TTC28: variants seen among roughly 807,000 people sequenced by gnomAD.
TTC28 encodes the protein tetratricopeptide repeat protein 28.
Under a neutral mutation model 198.0 loss-of-function variants are expected in TTC28, and 61 were observed. That is an observed-to-expected ratio of 0.31 (90% confidence interval 0.25 to 0.38). TTC28 has a LOEUF of 0.38. TTC28 is among the 10% of genes least tolerant of loss of function. The pLI is 1.00. For missense variants in TTC28, 2,678 were observed against 3,164.0 expected (o/e 0.85, Z 3.69); for synonymous variants, 1,171 against 1,297.8 (o/e 0.90, Z 2.10).
rs578034255 is a variant in TTC28 at position 28,062,029 on chromosome 22, C to T, written c.3933-31663G>A. Among the ~76,000 whole-genome samples, 295 of 151,844 alleles carry T rather than the reference C, an allele frequency of 1.9e-3. 1 individual carries two copies. Among genetic ancestry groups the T allele is most frequent in the Non-Finnish European group, 3.4e-3 (232 of 67,854 alleles). The stretch of plus-strand genomic sequence containing the variant: ...ATTTGGCTCTCTGTTTGTCTGTTAT[C>T]GGTGTATAACTCAACTTTAAGTCTA... On this transcript the variant is annotated intron_variant, in intron 12 of 22. Coordinates refer to ENST00000397906, the MANE Select transcript of TTC28 (RefSeq NM_001145418.2).
intron 5 of TTC28, among the ~76,000 whole-genome samples, chr22:28,279,732 A>G (rs967462441): frequency 6.6e-6 from 1 of 152,138 alleles, no homozygotes; most frequent in African/African-American, 2.4e-5. Flanking sequence ...AAGAGATGAA[A>G]CATTCCCATC....
chr22:28,590,919 G>A (rs1401531378), intron 2 of TTC28, among the ~76,000 whole-genome samples: 5 of 150,056 alleles, frequency 3.3e-5, no homozygotes, highest in Non-Finnish European at 7.4e-5. Context: ...TGAGGCAGGA[G>A]AATCGCAACC....
intron 1 of TTC28, among the ~76,000 whole-genome samples, chr22:28,660,942 T>C (rs929297656): frequency 2.0e-5 from 3 of 152,124 alleles, no homozygotes; most frequent in Non-Finnish European, 4.4e-5. Context: ...TTCCCTTTAT[T>C]TCAAAGTTGC....
chr22:28,595,378 A>G (rs1158020381), intron 2 of TTC28, among the ~76,000 whole-genome samples: 1 of 152,252 alleles, frequency 6.6e-6, no homozygotes, highest in Non-Finnish European at 1.5e-5. Context: ...TGAAGCACTA[A>G]TACATTAACT....
At chr22:28,281,328 C>T (rs2044578734) in intron 5 of TTC28, among the ~76,000 whole-genome samples, 1 of 151,836 alleles carries the variant, frequency 6.6e-6, no homozygotes, top group African/African-American at 2.4e-5. Flanking sequence ...GGATACTTTC[C>T]ATTGATCTGT....
At chr22:28,414,548 G>T (rs2047139413) in intron 2 of TTC28, among the ~76,000 whole-genome samples, 1 of 152,178 alleles carries the variant, frequency 6.6e-6, no homozygotes, top group African/African-American at 2.4e-5. Flanking sequence ...AGAGACATGT[G>T]TGTCAGAGAT....
At chr22:28,306,880 A>C (rs1048624132) in intron 2 of TTC28, among the ~76,000 whole-genome samples, 2 of 152,196 alleles carry the variant, frequency 1.3e-5, no homozygotes, top group East Asian at 3.8e-4. Context: ...ATTTTATCAC[A>C]TTCTTTGGTA....
At chr22:28,554,553 A>T (rs2087497718) in intron 2 of TTC28, among the ~76,000 whole-genome samples, 1 of 152,176 alleles carries the variant, frequency 6.6e-6, no homozygotes, top group Non-Finnish European at 1.5e-5. Context: ...AATTAAACTT[A>T]AAAGCTTCTG....
intron 2 of TTC28, among the ~76,000 whole-genome samples, chr22:28,515,927 C>G (rs2048776732): frequency 6.6e-6 from 1 of 152,066 alleles, no homozygotes; most frequent in Non-Finnish European, 1.5e-5. Context: ...GGCAAATCAC[C>G]TGAGGTCAGA....
intron 2 of TTC28, among the ~76,000 whole-genome samples, chr22:28,544,251 A>T (rs908641456): frequency 6.6e-6 from 1 of 152,080 alleles, no homozygotes; most frequent in Non-Finnish European, 1.5e-5. Context: ...CAAACAAACA[A>T]AAACACCTTG....
At chr22:28,303,241 A>G (rs1174052523) in intron 3 of TTC28, among the ~76,000 whole-genome samples, 1 of 152,232 alleles carries the variant, frequency 6.6e-6, no homozygotes, top group African/African-American at 2.4e-5. Flanking sequence ...GTATGCTACA[A>G]CACCCAAATT....
intron 2 of TTC28, among the ~76,000 whole-genome samples, chr22:28,605,015 T>C (rs1215383913): frequency 1.3e-5 from 2 of 152,338 alleles, no homozygotes; most frequent in Non-Finnish European, 2.9e-5. Flanking sequence ...TGTTTATAAC[T>C]TAGTCATTAG....
chr22:28,173,719 C>T (rs1381821268), intron 5 of TTC28, among the ~76,000 whole-genome samples: 1 of 152,174 alleles, frequency 6.6e-6, no homozygotes, highest in Non-Finnish European at 1.5e-5. Flanking sequence ...TTCAAACCAC[C>T]TTTTAAAGGT....
chr22:28,204,061 T>G (rs753458418), intron 5 of TTC28, among the ~76,000 whole-genome samples: 13 of 152,172 alleles, frequency 8.5e-5, no homozygotes, highest in Non-Finnish European at 1.6e-4. Flanking sequence ...AGTGTAAACC[T>G]TTTCATAAAA....
chr22:28,604,297 T>TATATATATATA (rs1053139903), intron 2 of TTC28, among the ~76,000 whole-genome samples: 29 of 114,108 alleles, frequency 2.5e-4, no homozygotes, highest in African/African-American at 8.1e-4. Flanking sequence ...AAAAAAAAAA[T>TATATATATATA]TATATATATA....
At chr22:28,560,794 G>A (rs1250372988) in intron 2 of TTC28, among the ~76,000 whole-genome samples, 1 of 151,918 alleles carries the variant, frequency 6.6e-6, no homozygotes, top group Non-Finnish European at 1.5e-5. Context: ...GTCTCCCTCT[G>A]TCACCCAGGC....
chr22:28,617,348 T>A lies in TTC28; in HGVS notation c.381+12204A>T, dbSNP rs555192577. ...ACTTTTTTTGAAAAAAAAAAAAAAA[T>A]TAAGTTAGCCAGGTGTGGTCCTGTG... On this transcript the variant is annotated intron_variant, in intron 2 of 22. Coordinates refer to ENST00000397906, the MANE Select transcript of TTC28 (RefSeq NM_001145418.2). Among the ~76,000 whole-genome samples, 18 of 148,084 alleles carry A rather than the reference T, an allele frequency of 1.2e-4. No individual in the cohort carries two copies. The South Asian group carries it at 3.9e-3, about 32-fold the overall frequency.
At chr22:28,396,423 T>C (rs1324037162) in intron 2 of TTC28, among the ~76,000 whole-genome samples, 7 of 152,200 alleles carry the variant, frequency 4.6e-5, no homozygotes, top group Admixed American at 4.6e-4. Context: ...TAATTCTGAG[T>C]AATCAGTTTG....
At chr22:28,562,404 T>G (rs2049898978) in intron 2 of TTC28, among the ~76,000 whole-genome samples, 1 of 152,188 alleles carries the variant, frequency 6.6e-6, no homozygotes, top group African/African-American at 2.4e-5. Flanking sequence ...AGAGACACTG[T>G]CATGAAGACT....
Sources: gnomAD v4.1 joint callset for allele counts (sites outside exome capture counted in the v4.1 genomes callset) on GRCh38, gnomAD v4.1.1 for gene constraint, MANE v1.5 for transcripts, NCBI Gene and HGNC (gene_info 2026-07-23, HGNC 2026-07-21) for gene names.